ZNF516: variants seen among roughly 807,000 people sequenced by gnomAD.
ZNF516 encodes zinc finger protein 516.
Under a neutral mutation model 79.7 loss-of-function variants are expected in ZNF516, and 19 were observed. The ratio of observed to expected loss-of-function variants is 0.24; its 90% CI spans 0.17 to 0.35. The LOEUF is 0.35. Ranked by LOEUF, ZNF516 falls within the 10% of genes least tolerant of loss-of-function variation. ZNF516 has a pLI of 1.00. For synonymous variants in ZNF516, 877 were observed against 739.5 expected (o/e 1.19, Z -3.02); for missense variants, 1,678 against 1,679.5 (o/e 1.00, Z 0.02).
At chr18:76,380,339 T>C in intron 3 of ZNF516, 36 bp from the exon 4 acceptor site, 5 of 1,599,720 alleles carry the variant, frequency 3.1e-6, no homozygotes, top group Non-Finnish European at 4.3e-6. Context: ...GAAGTTACCA[T>C]TTCTCATCAG....
chr18:76,493,297 C>G lies in ZNF516; in HGVS notation c.-272+1847G>C. 2.8e-6 allele frequency: 1 copy of G among 351,466 alleles called. No individual in the cohort carries two copies. The highest frequency in any genetic ancestry group is 3.7e-6 in the Non-Finnish European group (1 of 271,228). 21.8% of individuals were successfully genotyped at this position (351,466 alleles called of 1,614,324 possible). On this transcript the variant is annotated intron_variant, in intron 1 of 6. Transcript: ENST00000443185. This position sits in a 1 kb window ranked among gnomAD's most constrained non-coding sequence, Gnocchi z 5.2. ...AGGGAGTGGAGGCGGAAAGGGAGCT[C>G]CGAGAAAGAAGGAGGGGTCATTCCG...
chr18:76,473,661 C>T lies in ZNF516; in HGVS notation c.-271-10520G>A, dbSNP rs569330837. On this transcript the variant is annotated intron_variant, in intron 1 of 6. Coordinates refer to ENST00000443185, the MANE Select transcript of ZNF516 (RefSeq NM_014643.4). ...CTAAAAATACAAAAAATTATCCAGGCTTGGTGGTGGGCGCCTGTAGTCCCA... is the reference window on the plus strand; with the variant it reads ...CTAAAAATACAAAAAATTATCCAGGTTTGGTGGTGGGCGCCTGTAGTCCCA... Among the ~76,000 whole-genome samples the T allele has an allele frequency of 8.4e-3, 1,271 of 151,956 alleles. 8 individuals are homozygous for T. The highest frequency in any genetic ancestry group is 0.027 in the Middle Eastern group (8 of 294).
At chr18:76,475,743 T>C (rs934852483) in intron 1 of ZNF516, among the ~76,000 whole-genome samples, 2 of 152,060 alleles carry the variant, frequency 1.3e-5, no homozygotes, top group Non-Finnish European at 2.9e-5. Flanking sequence ...TGAGGGTGTG[T>C]ACACACAACA....
At position 76,482,095 on chromosome 18, in the gene ZNF516, G is replaced by A. The variant is rs115845121; in HGVS notation, c.-272+13049C>T. On this transcript the variant is annotated intron_variant, in intron 1 of 6. Coordinates refer to ENST00000443185, the MANE Select transcript of ZNF516 (RefSeq NM_014643.4). ...TCAACGTTTAGAAGTTGACTTTAGC[G>A]CTAATGCTAAAAGAAGCTTTTCCTT... 5.1e-3 allele frequency among the ~76,000 whole-genome samples: 782 copies of A among 152,152 alleles called. 3 individuals are homozygous for A. The highest frequency in any genetic ancestry group is 0.017 in the African/African-American group (706 of 41,470).
chr18:76,365,941 T>C (rs760722099), intron 6 of ZNF516, among the ~76,000 whole-genome samples: 2 of 152,196 alleles, frequency 1.3e-5, no homozygotes, highest in Non-Finnish European at 2.9e-5. Flanking sequence ...AGGCATCCTT[T>C]CCACCCTTAC....
rs926055749 is a variant in ZNF516 at position 76,459,032 on chromosome 18, T to G, written c.-158+3996A>C. On this transcript the variant is annotated intron_variant, in intron 2 of 6. Transcript: ENST00000443185. The surrounding 1 kb of genome is among the most constrained non-coding windows in gnomAD (Gnocchi z 5.0). Reference sequence around the variant, plus strand: ...TGTCTGAGAGAGCACATGTGTGTGATCTCTTAACCTACATAAAAGCACTCA... The same window carrying G: ...TGTCTGAGAGAGCACATGTGTGTGAGCTCTTAACCTACATAAAAGCACTCA... Among the ~76,000 whole-genome samples, 1 of 152,144 alleles carries G rather than the reference T, an allele frequency of 6.6e-6. No homozygotes were observed. The highest frequency in any genetic ancestry group is 1.5e-5 in the Non-Finnish European group (1 of 68,018).
At chr18:76,465,347 G>A (rs780942840) in intron 1 of ZNF516, among the ~76,000 whole-genome samples, 13 of 152,164 alleles carry the variant, frequency 8.5e-5, no homozygotes, top group South Asian at 2.1e-4. Context: ...CTTACTCTTC[G>A]ACAGCAGAAG....
intron 3 of ZNF516, among the ~76,000 whole-genome samples, chr18:76,424,812 C>G (rs2075569484): frequency 6.8e-6 from 1 of 146,226 alleles, no homozygotes; most frequent in Non-Finnish European, 1.5e-5. Flanking sequence ...AAAAGGCTCC[C>G]CCGAAACACA....
In ZNF516 at chr18:76,442,591, C is replaced by T; in HGVS notation, c.464G>A (p.Ser155Asn). 6.3e-7 allele frequency: 1 copy of T among 1,597,958 alleles called. No homozygotes were observed. Among genetic ancestry groups the T allele is most frequent in the Non-Finnish European group, 8.5e-7 (1 of 1,179,164 alleles). Residue 155 changes from serine (S) to asparagine (N), a missense_variant, in exon 3 of 7, where the codon AGC (serine) becomes AAC (asparagine). This residue lies in a region of ZNF516 where 279 missense variants were observed against 254.1 expected (regional missense o/e 1.10). Coordinates refer to ENST00000443185, the MANE Select transcript of ZNF516 (RefSeq NM_014643.4). ...QADSGRVLLRSSKKGAEGSAC... is the reference protein window; with the variant it reads ...QADSGRVLLRNSKKGAEGSAC... ...GGACCCCTCTGCCCCCTTCTTGCTGCTCCGCAGCAGGACTCTGCCGCTGTC... is the reference window on the plus strand; with the variant it reads ...GGACCCCTCTGCCCCCTTCTTGCTGTTCCGCAGCAGGACTCTGCCGCTGTC...
chr18:76,407,092 G>A (rs2075313767), intron 3 of ZNF516, among the ~76,000 whole-genome samples: 1 of 152,138 alleles, frequency 6.6e-6, no homozygotes, highest in South Asian at 2.1e-4. Context: ...GCTACAAAAT[G>A]AGTTAATTCT....
intron 3 of ZNF516, 72 bp from the exon 4 acceptor site, chr18:76,380,375 C>T (rs1165425560): frequency 1.3e-6 from 2 of 1,539,536 alleles, no homozygotes; most frequent in East Asian, 2.3e-5. Flanking sequence ...ACGGTGCGTA[C>T]AGCTACAGCA....
intron 1 of ZNF516, among the ~76,000 whole-genome samples, chr18:76,468,688 G>C (rs1361841646): frequency 6.6e-6 from 1 of 152,104 alleles, no homozygotes; most frequent in Admixed American, 6.5e-5. Context: ...CCAAAGTGTT[G>C]TGATTACAGG....
intron 2 of ZNF516, among the ~76,000 whole-genome samples, chr18:76,456,317 T>C (rs530741687): frequency 6.6e-6 from 1 of 152,356 alleles, no homozygotes; most frequent in Admixed American, 6.5e-5. Context: ...GACTAAGAAT[T>C]GGAGGCAAGA....
intron 1 of ZNF516, among the ~76,000 whole-genome samples, chr18:76,474,062 T>TA (rs1462561532): frequency 6.6e-6 from 1 of 152,066 alleles, no homozygotes; most frequent in East Asian, 1.9e-4. Context: ...ATTACACTTT[T>TA]AAGTCAAATA....
intron 1 of ZNF516, among the ~76,000 whole-genome samples, chr18:76,487,279 T>A (rs1914885608): frequency 6.6e-6 from 1 of 152,180 alleles, no homozygotes; most frequent in African/African-American, 2.4e-5. Flanking sequence ...TCAAGTCACG[T>A]GTGGCCAGAT....
At chr18:76,391,162 A>C (rs950653670) in intron 3 of ZNF516, among the ~76,000 whole-genome samples, 1 of 152,136 alleles carries the variant, frequency 6.6e-6, no homozygotes, top group Non-Finnish European at 1.5e-5. Context: ...GAAAAGAGAA[A>C]ATGATATGAA....
At chr18:76,447,592 G>A (rs1175630523) in intron 2 of ZNF516, among the ~76,000 whole-genome samples, 1 of 152,208 alleles carries the variant, frequency 6.6e-6, no homozygotes, top group African/African-American at 2.4e-5. Flanking sequence ...AATACGGAAA[G>A]GTTCTGCAAC....
At chr18:76,364,803 G>A (rs1392119204) in intron 6 of ZNF516, among the ~76,000 whole-genome samples, 1 of 152,198 alleles carries the variant, frequency 6.6e-6, no homozygotes, top group Non-Finnish European at 1.5e-5. Context: ...GACCAATTAT[G>A]CACAATGCTT....
Position 76,493,027 on chromosome 18 carries a change from C to T in ZNF516, c.-272+2117G>A. ...CAAATTACCTCCGGGATGGAGAAAG[C>T]CGCTGCGGATTGGCCAGCAGAGCCG... On this transcript the variant is annotated intron_variant, in intron 1 of 6. Transcript: ENST00000443185. This position sits in a 1 kb window ranked among gnomAD's most constrained non-coding sequence, Gnocchi z 5.2. 1 of 985,564 alleles carries T rather than the reference C, an allele frequency of 1.0e-6. No homozygotes were observed. The highest frequency in any genetic ancestry group is 1.2e-6 in the Non-Finnish European group (1 of 830,044). 61.1% of individuals were successfully genotyped at this position (985,564 alleles called of 1,614,324 possible). A position where few individuals can be genotyped will look rare whatever the true frequency, so the allele number is the denominator to read the frequency against.
Sources: gnomAD v4.1 joint callset for allele counts (sites outside exome capture counted in the v4.1 genomes callset) on GRCh38, gnomAD v4.1.1 for gene constraint, gnomAD v4.1.1 regional missense constraint, Gnocchi (gnomAD v3.1) non-coding constraint, MANE v1.5 for transcripts, NCBI Gene and HGNC (gene_info 2026-07-23, HGNC 2026-07-21) for gene names.